The following RALGPS1 variants were observed in gnomAD, a reference collection of about 807,000 sequenced individuals.
RALGPS1 encodes ras-specific guanine nucleotide-releasing factor RalGPS1.
A neutral mutation model predicts 78.8 loss-of-function variants in RALGPS1; 19 were observed. The observed-to-expected ratio is 0.24, with a 90% confidence interval of 0.17 to 0.35. The LOEUF is 0.35. Ranked by LOEUF, RALGPS1 falls within the 10% of genes least tolerant of loss-of-function variation. The pLI, the probability that RALGPS1 is intolerant of heterozygous loss-of-function variation, is 1.00. For synonymous variants in RALGPS1, 228 were observed against 256.3 expected (o/e 0.89, Z 1.06); for missense variants, 454 against 688.3 (o/e 0.66, Z 3.81).
chr9:127,204,273 C>T lies in RALGPS1; in HGVS notation c.1247+5207C>T, dbSNP rs117574397. On this transcript the variant is annotated intron_variant, in intron 14 of 18. Coordinates refer to ENST00000259351, the MANE Select transcript of RALGPS1 (RefSeq NM_014636.3). ...CCTTGATCTCCCAGGCTCAAGTGAT[C>T]CTGCTGTCTCTGCCTCCCAAGTAGC... Among the ~76,000 whole-genome samples, 983 of 152,220 alleles carry T rather than the reference C, an allele frequency of 6.5e-3. 6 individuals carry two copies. The highest frequency in any genetic ancestry group is 0.017 in the Middle Eastern group (5 of 294).
chr9:127,013,959 A>T (rs1346277923), intron 4 of RALGPS1, among the ~76,000 whole-genome samples: 1 of 152,226 alleles, frequency 6.6e-6, no homozygotes. Context: ...GCGTTCAGCA[A>T]CATGTTCATA....
intron 5 of RALGPS1, among the ~76,000 whole-genome samples, chr9:127,047,464 C>T (rs1293547294): frequency 6.6e-6 from 1 of 152,054 alleles, no homozygotes; most frequent in South Asian, 2.1e-4. Flanking sequence ...TTTGGGAGGC[C>T]GAGGCAGGTG....
intron 3 of RALGPS1, among the ~76,000 whole-genome samples, chr9:126,975,532 C>G (rs2040524668): frequency 6.6e-6 from 1 of 152,210 alleles, no homozygotes; most frequent in Non-Finnish European, 1.5e-5. Context: ...CCAAGGTCCT[C>G]TGAGCTTTCA....
chr9:126,941,997 C>G (rs932001037), intron 1 of RALGPS1, among the ~76,000 whole-genome samples: 3 of 152,226 alleles, frequency 2.0e-5, no homozygotes, highest in African/African-American at 7.2e-5. Context: ...AATCCTCACA[C>G]CAACCCTCTA....
At chr9:127,070,195 G>A (rs139917478) in intron 8 of RALGPS1, among the ~76,000 whole-genome samples, 8 of 152,266 alleles carry the variant, frequency 5.3e-5, no homozygotes, top group East Asian at 1.9e-4. Context: ...AGTAGGGTTC[G>A]CGCTCCTATG....
chr9:127,142,283 TAG>T (rs2057834040), intron 8 of RALGPS1, among the ~76,000 whole-genome samples: 1 of 152,036 alleles, frequency 6.6e-6, no homozygotes, highest in South Asian at 2.1e-4. Flanking sequence ...ACAGTAGGAG[TAG>T]AGTGTCTAAG....
chr9:127,057,022 T>C (rs1029525383), intron 7 of RALGPS1, among the ~76,000 whole-genome samples: 8 of 152,132 alleles, frequency 5.3e-5, no homozygotes, highest in African/African-American at 1.4e-4. Context: ...GTTTTTGTTT[T>C]GTAGAGGAGG....
At chr9:127,031,960 A>G (rs905151145) in intron 4 of RALGPS1, among the ~76,000 whole-genome samples, 4 of 152,216 alleles carry the variant, frequency 2.6e-5, no homozygotes, top group Admixed American at 1.3e-4. Context: ...AGAAATAATA[A>G]TAGATTTTGT....
At chr9:127,188,699 C>T (rs1162661511) in intron 11 of RALGPS1, among the ~76,000 whole-genome samples, 1 of 151,896 alleles carries the variant, frequency 6.6e-6, no homozygotes, top group East Asian at 1.9e-4. Flanking sequence ...GTTGCAGTGG[C>T]TCATGCCTGC....
chr9:127,131,295 A>G (rs2056988088), intron 8 of RALGPS1, among the ~76,000 whole-genome samples: 1 of 152,248 alleles, frequency 6.6e-6, no homozygotes, highest in Non-Finnish European at 1.5e-5. Context: ...AAACTAGTCT[A>G]AAGGGCTCTC....
intron 1 of RALGPS1, among the ~76,000 whole-genome samples, chr9:126,936,498 G>A (rs2036269912): frequency 6.6e-6 from 1 of 152,092 alleles, no homozygotes; most frequent in African/African-American, 2.4e-5. Context: ...GAAAATGTGA[G>A]GTACTTAGAG....
chr9:127,102,135 G>A (rs1372662064), intron 8 of RALGPS1, among the ~76,000 whole-genome samples: 2 of 152,064 alleles, frequency 1.3e-5, no homozygotes, highest in African/African-American at 4.8e-5. Flanking sequence ...TCACTGATGT[G>A]GGTATAAACC....
Position 127,167,931 on chromosome 9 carries a change from G to A in RALGPS1, c.749-748G>A, listed in dbSNP as rs576462820. ...AGCTGACACCAGTCCCTCCAGAAAC[G>A]GGCAACACCGTGTGGCAGAAGCCTT... On this transcript the variant is annotated intron_variant, in intron 9 of 18. Transcript: ENST00000259351. Among the ~76,000 whole-genome samples, 6 of 152,322 alleles carry A rather than the reference G, an allele frequency of 3.9e-5. No homozygotes were observed. The South Asian group carries it at 8.3e-4, about 21-fold the overall frequency.
chr9:127,180,712 A>G (rs935537287), intron 11 of RALGPS1, among the ~76,000 whole-genome samples: 1 of 152,212 alleles, frequency 6.6e-6, no homozygotes, highest in African/African-American at 2.4e-5. Flanking sequence ...ACTCACCAGC[A>G]TACCAGTACT....
chr9:126,953,130 T>C (rs1407122742), intron 1 of RALGPS1, among the ~76,000 whole-genome samples: 1 of 152,210 alleles, frequency 6.6e-6, no homozygotes, highest in Non-Finnish European at 1.5e-5. Flanking sequence ...AGGAGAATTC[T>C]GGAAGATTGG....
intron 8 of RALGPS1, among the ~76,000 whole-genome samples, chr9:127,092,453 GT>G (rs147518760): frequency 1.3e-5 from 2 of 150,674 alleles, no homozygotes; most frequent in Non-Finnish European, 3.0e-5. Flanking sequence ...TGTGGTTATT[GT>G]TTTTTTTTGC....
At position 127,222,938 on chromosome 9, in the gene RALGPS1, G is replaced by C. The variant is rs549005862; in HGVS notation, c.*4169G>C. The C allele has an allele frequency of 2.0e-5, 3 of 152,734 alleles. No individual in the cohort carries two copies. Among genetic ancestry groups the C allele is most frequent in the African/African-American group, 7.2e-5 (3 of 41,558 alleles). 9.5% of individuals were successfully genotyped at this position (152,734 alleles called of 1,614,324 possible). A position where few individuals can be genotyped will look rare whatever the true frequency, so the allele number is the denominator to read the frequency against. On this transcript the variant is annotated 3_prime_UTR_variant, in exon 19 of 19. Transcript: ENST00000259351. Reference sequence around the variant, plus strand: ...CAGACCCCTGCATGCAGTTGTGTAAGGACTTTCTCTAATTCTTGTGAATCG... The same window carrying C: ...CAGACCCCTGCATGCAGTTGTGTAACGACTTTCTCTAATTCTTGTGAATCG...
intron 4 of RALGPS1, among the ~76,000 whole-genome samples, chr9:126,985,575 C>T (rs577429646): frequency 7.2e-5 from 11 of 151,982 alleles, no homozygotes; most frequent in South Asian, 2.1e-4. Flanking sequence ...TATATTATCC[C>T]GTCATATATA....
rs781486234 is a variant in RALGPS1, at chr9:127,093,976, C to A, written c.610+24620C>A. ...ATCACAGACCTGCCTGTCACCAGGC[C>A]GCACCCCCAGCTGCACCCCAAGCAG... On this transcript the variant is annotated intron_variant, in intron 8 of 18. Transcript: ENST00000259351. The A allele has an allele frequency of 7.0e-6, 11 of 1,578,728 alleles. No individual in the cohort carries two copies. The African/African-American group carries it at 1.5e-4, about 21-fold the overall frequency.
Sources: gnomAD v4.1 joint callset for allele counts (sites outside exome capture counted in the v4.1 genomes callset) on GRCh38, gnomAD v4.1.1 for gene constraint, MANE v1.5 for transcripts, NCBI Gene and HGNC (gene_info 2026-07-23, HGNC 2026-07-21) for gene names.